TOM1L1: variants seen among roughly 807,000 people sequenced by gnomAD.
The protein encoded by TOM1L1 is TOM1-like protein 1.
Under a neutral mutation model 63.4 loss-of-function variants are expected in TOM1L1, and 64 were observed. That is an observed-to-expected ratio of 1.01 (90% CI 0.83 to 1.24). The LOEUF is 1.24. TOM1L1 is among the 50% of genes most tolerant of loss of function. The pLI, the probability that TOM1L1 is intolerant of heterozygous loss-of-function variation, is 0.00. For synonymous variants in TOM1L1, 166 were observed against 194.4 expected (o/e 0.85, Z 1.22); for missense variants, 536 against 567.0 (o/e 0.95, Z 0.55).
intron 1 of TOM1L1, among the ~76,000 whole-genome samples, chr17:54,903,014 G>A (rs771997231): frequency 2.0e-4 from 30 of 152,222 alleles, no homozygotes; most frequent in Non-Finnish European, 4.1e-4. Context: ...GTTGAGGTAA[G>A]CAGTGTCTTT....
intron 5 of TOM1L1, 59 bp from the exon 6 acceptor site, chr17:54,914,580 T>C (rs1760126701): frequency 1.4e-6 from 2 of 1,407,036 alleles, no homozygotes; most frequent in Admixed American, 3.4e-5. Flanking sequence ...TGGAAAAAAC[T>C]TGGCGTTGGG....
At chr17:54,926,937 AC>A (rs1278092800) in intron 7 of TOM1L1, among the ~76,000 whole-genome samples, 1 of 152,202 alleles carries the variant, frequency 6.6e-6, no homozygotes, top group Non-Finnish European at 1.5e-5. Context: ...TACCTGGCTA[AC>A]CTATTGTGTT....
intron 2 of TOM1L1, among the ~76,000 whole-genome samples, chr17:54,904,426 A>G (rs893181439): frequency 2.0e-5 from 3 of 152,042 alleles, no homozygotes; most frequent in Admixed American, 6.5e-5. Flanking sequence ...CTTTAGGAAT[A>G]TCTCCAGCTC....
At chr17:54,943,441 G>GGGGT (rs1555611737) in intron 11 of TOM1L1, among the ~76,000 whole-genome samples, 3 of 134,354 alleles carry the variant, frequency 2.2e-5, no homozygotes, top group Admixed American at 1.5e-4. Context: ...TTTGTATAAT[G>GGGGT]GTGTGTGTGT....
At chr17:54,928,374 A>AAAC (rs2048802970) in intron 7 of TOM1L1, among the ~76,000 whole-genome samples, 1 of 151,920 alleles carries the variant, frequency 6.6e-6, no homozygotes, top group African/African-American at 2.4e-5. Flanking sequence ...AACCAAAAAA[A>AAAC]AACAAAACAA....
chr17:54,903,734 A>C lies in TOM1L1; in HGVS notation c.85A>C (p.Thr29Pro). The C allele has an allele frequency of 6.2e-7, 1 of 1,614,224 alleles. No individual in the cohort carries two copies. The highest frequency in any genetic ancestry group is 8.5e-7 in the Non-Finnish European group (1 of 1,180,054). ...AAAGGCTACATTTGCTGGAGTTCAGACTGAAGATTGGGGCCAGTTCATGCA... is the reference window on the plus strand; with the variant it reads ...AAAGGCTACATTTGCTGGAGTTCAGCCTGAAGATTGGGGCCAGTTCATGCA... Reference protein sequence around the residue: ...IEKATFAGVQTEDWGQFMHIC... With the variant: ...IEKATFAGVQPEDWGQFMHIC... Residue 29 changes from threonine (T) to proline (P), a missense_variant, in exon 2 of 16, where the codon ACT becomes CCT. Transcript: ENST00000575882.
At chr17:54,941,630 A>G (rs552163438) in intron 11 of TOM1L1, among the ~76,000 whole-genome samples, 54 of 152,362 alleles carry the variant, frequency 3.5e-4, no homozygotes, top group African/African-American at 1.3e-3. Context: ...ATAAAATCCC[A>G]TTACAACAAG....
At chr17:54,940,924 A>G (rs1028748014) in intron 11 of TOM1L1, among the ~76,000 whole-genome samples, 7 of 152,160 alleles carry the variant, frequency 4.6e-5, no homozygotes, top group Admixed American at 3.9e-4. Flanking sequence ...TATATATTTT[A>G]GATAATAGGC....
At chr17:54,956,641 G>C (rs1418669042) in intron 14 of TOM1L1, 1 of 152,062 alleles carries the variant, frequency 6.6e-6, no homozygotes, top group Admixed American at 6.6e-5. Context: ...AGAGAAGGGG[G>C]TCTGTGTTGC....
intron 7 of TOM1L1, among the ~76,000 whole-genome samples, chr17:54,923,560 T>A (rs1202176703): frequency 2.0e-5 from 3 of 151,790 alleles, no homozygotes; most frequent in Non-Finnish European, 4.4e-5. Context: ...TTATTTATTT[T>A]TTTGAGATGG....
intron 11 of TOM1L1, among the ~76,000 whole-genome samples, chr17:54,941,549 G>A (rs1434378115): frequency 6.6e-6 from 1 of 152,190 alleles, no homozygotes; most frequent in Non-Finnish European, 1.5e-5. Flanking sequence ...AAATAGTGTG[G>A]TTTAAAATAG....
intron 14 of TOM1L1, chr17:54,953,764 A>G (rs1002951562): frequency 3.3e-5 from 5 of 152,096 alleles, no homozygotes; most frequent in Non-Finnish European, 7.4e-5. Context: ...ATAGACCTTA[A>G]AGGAGATGTC....
intron 11 of TOM1L1, 107 bp from the exon 12 acceptor site, chr17:54,947,154 C>A: frequency 9.7e-7 from 1 of 1,031,434 alleles, no homozygotes; most frequent in Non-Finnish European, 1.5e-6. Context: ...TTTATGCAGT[C>A]TGAAGGTACC....
intron 7 of TOM1L1, among the ~76,000 whole-genome samples, chr17:54,928,070 CT>C (rs2048796791): frequency 6.6e-6 from 1 of 152,232 alleles, no homozygotes; most frequent in Non-Finnish European, 1.5e-5. Context: ...AGACCAATTT[CT>C]GTACACTCTT....
chr17:54,931,564 CTG>C (rs2048858733), intron 8 of TOM1L1, among the ~76,000 whole-genome samples: 2 of 152,158 alleles, frequency 1.3e-5, no homozygotes, highest in South Asian at 2.1e-4. Flanking sequence ...CCTTGGGAGG[CTG>C]AGGTGGGCGG....
rs757146925 is a variant in TOM1L1 at position 54,950,117 on chromosome 17, T to A, written c.1361T>A (p.Val454Asp). ...VMEFDPLAPA[V>D]TTEAIYEEID... Reference sequence around the variant, plus strand: ...GAGTTTGATCCCTTAGCTCCTGCTGTCACTACAGAGTAAGTCATTTACAAA... The same window carrying A: ...GAGTTTGATCCCTTAGCTCCTGCTGACACTACAGAGTAAGTCATTTACAAA... Residue 454 changes from valine (V) to aspartate (D), a missense_variant, in exon 14 of 16, where the codon GTC becomes GAC. Val to Asp is a radical substitution (Grantham distance 152). Transcript: ENST00000575882. 1 of 1,611,396 alleles carries A rather than the reference T, an allele frequency of 6.2e-7. No individual in the cohort carries two copies. The highest frequency in any genetic ancestry group is 1.1e-5 in the South Asian group (1 of 90,916).
chr17:54,915,398 G>A (rs1485099957), intron 6 of TOM1L1, among the ~76,000 whole-genome samples: 1 of 151,958 alleles, frequency 6.6e-6, no homozygotes, highest in Non-Finnish European at 1.5e-5. Context: ...AGAAACTCAG[G>A]ATAACTTTTG....
chr17:54,944,273 C>T (rs1422126197), intron 11 of TOM1L1, among the ~76,000 whole-genome samples: 2 of 151,390 alleles, frequency 1.3e-5, no homozygotes, highest in Non-Finnish European at 2.9e-5. Context: ...AATGGTGAAA[C>T]CCCATCTCTA....
intron 4 of TOM1L1, 99 bp from the exon 5 acceptor site, chr17:54,913,649 G>C (rs1357126165): frequency 7.7e-7 from 1 of 1,293,812 alleles, no homozygotes; most frequent in African/African-American, 1.6e-5. Context: ...CCGGGCAATA[G>C]TGTGAGACTC....
Sources: gnomAD v4.1 joint callset for allele counts (sites outside exome capture counted in the v4.1 genomes callset) on GRCh38, gnomAD v4.1.1 for gene constraint, MANE v1.5 for transcripts, NCBI Gene and HGNC (gene_info 2026-07-23, HGNC 2026-07-21) for gene names.